The following WWOX variants were observed in gnomAD, a reference collection of about 807,000 sequenced individuals.
The protein encoded by WWOX is WW domain-containing oxidoreductase.
A neutral mutation model predicts 46.2 loss-of-function variants in WWOX; 69 were observed. That is an observed-to-expected ratio of 1.49 (90% CI 1.23 to 1.82). The LOEUF (loss-of-function observed/expected upper bound fraction) is 1.82. WWOX is among the 40% of genes most tolerant of loss of function. The pLI is 0.00. For synonymous variants in WWOX, 359 were observed against 202.6 expected (o/e 1.77, Z -6.56); for missense variants, 919 against 542.6 (o/e 1.69, Z -6.89).
At chr16:78,513,588 T>C (rs1314241510) in intron 8 of WWOX, among the ~76,000 whole-genome samples, 2 of 152,162 alleles carry the variant, frequency 1.3e-5, no homozygotes, top group African/African-American at 4.8e-5. Flanking sequence ...CCAGGGGAAA[T>C]AGTAAAATAT....
At chr16:78,571,723 C>T (rs1355130885) in intron 8 of WWOX, among the ~76,000 whole-genome samples, 1 of 152,072 alleles carries the variant, frequency 6.6e-6, no homozygotes, top group African/African-American at 2.4e-5. Flanking sequence ...AGAAAATTAG[C>T]CAGGCGTGGT....
intron 8 of WWOX, among the ~76,000 whole-genome samples, chr16:78,482,472 C>T (rs1020351263): frequency 6.6e-6 from 1 of 152,140 alleles, no homozygotes; most frequent in Non-Finnish European, 1.5e-5. Flanking sequence ...ATCTGACTGC[C>T]TTGGCCTCCG....
chr16:78,225,606 G>C (rs569183551), intron 5 of WWOX, among the ~76,000 whole-genome samples: 2 of 152,188 alleles, frequency 1.3e-5, no homozygotes, highest in South Asian at 4.2e-4. Context: ...TAAATTCATT[G>C]AGGATTTGTT....
At chr16:79,056,026 A>G (rs948974575) in intron 8 of WWOX, among the ~76,000 whole-genome samples, 3 of 152,176 alleles carry the variant, frequency 2.0e-5, no homozygotes, top group African/African-American at 4.8e-5. Flanking sequence ...TTTCCATGAA[A>G]TAGAAGGCTT....
chr16:78,320,715 G>C (rs555458668), intron 5 of WWOX, among the ~76,000 whole-genome samples: 4 of 152,264 alleles, frequency 2.6e-5, no homozygotes, highest in Non-Finnish European at 5.9e-5. Context: ...CTAACCATCT[G>C]TTTCTCTTGG....
At chr16:78,904,935 T>A (rs1223982059) in intron 8 of WWOX, among the ~76,000 whole-genome samples, 1 of 152,190 alleles carries the variant, frequency 6.6e-6, no homozygotes, top group Admixed American at 6.5e-5. Flanking sequence ...GGTGCCCCTG[T>A]TGGTTTTCCA....
chr16:79,057,008 A>G (rs2048275193), intron 8 of WWOX, among the ~76,000 whole-genome samples: 2 of 152,182 alleles, frequency 1.3e-5, no homozygotes, highest in African/African-American at 4.8e-5. Flanking sequence ...GTTCACTTTT[A>G]CAAATACGAA....
chr16:78,630,241 C>G (rs1444248291), intron 8 of WWOX, among the ~76,000 whole-genome samples: 1 of 152,172 alleles, frequency 6.6e-6, no homozygotes, highest in Non-Finnish European at 1.5e-5. Flanking sequence ...CTATTTTGCT[C>G]ACTGTTGCTG....
chr16:78,542,202 C>G (rs903458038), intron 8 of WWOX, among the ~76,000 whole-genome samples: 1 of 151,946 alleles, frequency 6.6e-6, no homozygotes, highest in Non-Finnish European at 1.5e-5. Flanking sequence ...AGGTGTATCT[C>G]CAGCCCTCCG....
At chr16:78,884,580 G>C (rs1320460364) in intron 8 of WWOX, among the ~76,000 whole-genome samples, 1 of 152,170 alleles carries the variant, frequency 6.6e-6, no homozygotes, top group African/African-American at 2.4e-5. Context: ...TTGAGAGAAA[G>C]GAGGAAGATA....
chr16:78,342,470 C>A (rs74882098), intron 5 of WWOX, among the ~76,000 whole-genome samples: 26,926 of 118,892 alleles, frequency 0.23, 8,593 homozygotes, highest in African/African-American at 0.38. Context: ...CAGGTTTGCA[C>A]GTGGCATTTG....
intron 8 of WWOX, among the ~76,000 whole-genome samples, chr16:78,467,963 C>G (rs1459334022): frequency 6.6e-6 from 1 of 152,166 alleles, no homozygotes; most frequent in Non-Finnish European, 1.5e-5. Context: ...TTTCTGACAT[C>G]TGTTGACAAA....
At chr16:78,972,326 G>C (rs1476686275) in intron 8 of WWOX, among the ~76,000 whole-genome samples, 1 of 152,188 alleles carries the variant, frequency 6.6e-6, no homozygotes. Flanking sequence ...AAAGGATCCA[G>C]GAGGGCTTTA....
rs1311805277 is a variant in WWOX, at chr16:78,345,769, C to G, written c.517-41091C>G. ...TCTTAACTCTGAAAGCAGAGTGGGC[C>G]ATTTGAATGCTCACTTTGATATTTT... On this transcript the variant is annotated intron_variant, in intron 5 of 8. Transcript: ENST00000566780. Among the ~76,000 whole-genome samples, 6 of 118,276 alleles carry G rather than the reference C, an allele frequency of 5.1e-5. 2 individuals are homozygous for G. Among genetic ancestry groups the G allele is most frequent in the Non-Finnish European group, 1.2e-4 (6 of 49,948 alleles). The allele number at this position is 118,276 out of a possible 152,430, so 77.6% of individuals were successfully genotyped here.
chr16:78,129,522 C>T (rs371771430), intron 4 of WWOX, among the ~76,000 whole-genome samples: 1 of 152,094 alleles, frequency 6.6e-6, no homozygotes, highest in African/African-American at 2.4e-5. Context: ...AGTCCATTGT[C>T]ATGTGATAGT....
At chr16:79,091,871 C>G (rs1251161112) in intron 8 of WWOX, among the ~76,000 whole-genome samples, 1 of 142,040 alleles carries the variant, frequency 7.0e-6, no homozygotes, top group South Asian at 2.3e-4. Flanking sequence ...ACCTCCACTT[C>G]CTGGGTTCAA....
rs935764922 is a variant in WWOX at position 78,894,276 on chromosome 16, C to T, written c.1057-317332C>T. Among the ~76,000 whole-genome samples, 3 of 152,106 alleles carry T rather than the reference C, an allele frequency of 2.0e-5. No individual in the cohort carries two copies. The East Asian group carries it at 5.8e-4, about 29-fold the overall frequency. On this transcript the variant is annotated intron_variant, in intron 8 of 8. Coordinates refer to ENST00000566780, the MANE Select transcript of WWOX (RefSeq NM_016373.4). ...AAGAGTTATACAACACATACACACA[C>T]ATCTAATTGTTGTGTTATTGGGTTA... is the stretch of plus-strand genomic sequence containing the variant.
At chr16:78,419,206 C>T (rs2082867632) in intron 6 of WWOX, among the ~76,000 whole-genome samples, 1 of 152,072 alleles carries the variant, frequency 6.6e-6, no homozygotes, top group African/African-American at 2.4e-5. Flanking sequence ...GTATAGCTGA[C>T]CAAACTCTGC....
At chr16:78,974,264 C>G (rs1210596334) in intron 8 of WWOX, among the ~76,000 whole-genome samples, 1 of 152,194 alleles carries the variant, frequency 6.6e-6, no homozygotes. Flanking sequence ...TCTCTAATGA[C>G]CGCACAGCAC....
Sources: gnomAD v4.1 joint callset for allele counts (sites outside exome capture counted in the v4.1 genomes callset) on GRCh38, gnomAD v4.1.1 for gene constraint, MANE v1.5 for transcripts, NCBI Gene and HGNC (gene_info 2026-07-23, HGNC 2026-07-21) for gene names.